The following PFKP variants were observed in gnomAD, a reference collection of about 807,000 sequenced individuals.
The protein encoded by PFKP is ATP-dependent 6-phosphofructokinase, platelet type.
In PFKP, 101 loss-of-function variants were observed where a neutral mutation model predicts 94.3. That is an observed-to-expected ratio of 1.07 (90% CI 0.91 to 1.26). The LOEUF (loss-of-function observed/expected upper bound fraction) is 1.26, where lower values mean the gene tolerates loss of function less well. PFKP is among the 50% of genes most tolerant of loss of function. PFKP has a pLI of 0.00. For missense variants in PFKP, 1,145 were observed against 1,103.3 expected (o/e 1.04, Z -0.53); for synonymous variants, 573 against 432.6 (o/e 1.32, Z -4.03).
intron 2 of PFKP, among the ~76,000 whole-genome samples, chr10:3,091,929 C>G (rs1033991445): frequency 5.3e-5 from 8 of 152,244 alleles, no homozygotes; most frequent in African/African-American, 1.2e-4. Flanking sequence ...TAATTCTGAT[C>G]ATTTTATCGC....
intron 4 of PFKP, among the ~76,000 whole-genome samples, chr10:3,102,333 C>T (rs929427827): frequency 3.2e-4 from 48 of 151,222 alleles, no homozygotes; most frequent in East Asian, 1.9e-4. Context: ...ATACATCATC[C>T]AGTACCAACT....
Position 3,101,506 on chromosome 10 carries a change from C to T in PFKP, c.406C>T (p.Leu136Phe). Residue 136 changes from leucine (L) to phenylalanine (F), a missense_variant, in exon 4 of 22, where the codon CTC becomes TTC. Transcript: ENST00000381125. The part of the protein sequence containing the change: ...GGDGSLTGAN[L>F]FRKEWSGLLE... ...GGACGGGAGCCTCACCGGGGCCAAC[C>T]TCTTCCGGAAGGAGTGGAGTGGGCT... The T allele has an allele frequency of 6.3e-7, 1 of 1,593,434 alleles. No homozygotes were observed.
intron 20 of PFKP, 122 bp from the exon 21 acceptor site, chr10:3,135,614 G>T: frequency 1.6e-6 from 1 of 632,836 alleles, no homozygotes; most frequent in Non-Finnish European, 2.8e-6. Flanking sequence ...GTCTCACTGG[G>T]CTTCCAGGCC....
In PFKP at chr10:3,108,805, A is replaced by G. The variant is rs1426091478; in HGVS notation, c.963+12A>G. 2 of 1,575,646 alleles carry G rather than the reference A, an allele frequency of 1.3e-6. No individual in the cohort carries two copies. Among genetic ancestry groups the G allele is most frequent in the Non-Finnish European group, 1.7e-6 (2 of 1,145,098 alleles). ...TCGACAGGATCTTGGTGAGTTGGGA[A>G]GGGTTGGGCATCTTCACAAGGTCTC... is the stretch of plus-strand genomic sequence containing the variant. On this transcript the variant is annotated intron_variant, in intron 9 of 21. Transcript: ENST00000381125.
At chr10:3,124,868 A>T (rs569768206) in intron 16 of PFKP, among the ~76,000 whole-genome samples, 2 of 151,846 alleles carry the variant, frequency 1.3e-5, no homozygotes, top group Admixed American at 1.3e-4. Context: ...GCCTGCAGGC[A>T]CCCCCTTTCA....
chr10:3,129,442 C>A (rs757205998), intron 16 of PFKP: 1 of 207,966 alleles, frequency 4.8e-6, no homozygotes, highest in Non-Finnish European at 9.8e-6. Context: ...TAACACCTAA[C>A]GGTGTCTGTG....
chr10:3,082,009 T>A (rs4880589), intron 1 of PFKP, among the ~76,000 whole-genome samples: 17 of 114,506 alleles, frequency 1.5e-4, no homozygotes, highest in East Asian at 9.7e-4. Flanking sequence ...TTTTTTTTTT[T>A]ACAGTGGTAG....
At chr10:3,110,203 T>C (rs1836037711) in intron 10 of PFKP, among the ~76,000 whole-genome samples, 1 of 151,734 alleles carries the variant, frequency 6.6e-6, no homozygotes, top group Non-Finnish European at 1.5e-5. Context: ...ATTTAATTAA[T>C]TAATTTATTT....
intron 16 of PFKP, among the ~76,000 whole-genome samples, chr10:3,126,638 C>T (rs1317323707): frequency 1.3e-5 from 2 of 152,208 alleles, no homozygotes; most frequent in African/African-American, 2.4e-5. Context: ...GGAAAACTGG[C>T]CTCCCTGCAG....
At chr10:3,109,756 G>A (rs573360799) in intron 10 of PFKP, among the ~76,000 whole-genome samples, 7 of 152,092 alleles carry the variant, frequency 4.6e-5, no homozygotes, top group East Asian at 3.9e-4. Flanking sequence ...CTAGAGCATC[G>A]GGATCCTCAA....
intron 5 of PFKP, 141 bp downstream of exon 5, chr10:3,104,085 C>T (rs2131555308): frequency 1.5e-6 from 1 of 667,358 alleles, no homozygotes; most frequent in East Asian, 2.8e-5. Context: ...GAGCTATTGC[C>T]AGAACATTGT....
intron 2 of PFKP, among the ~76,000 whole-genome samples, chr10:3,090,831 G>A (rs930048389): frequency 3.9e-5 from 6 of 152,036 alleles, no homozygotes; most frequent in African/African-American, 1.2e-4. Flanking sequence ...GGGATATTAT[G>A]TTTTATTTTT....
intron 2 of PFKP, among the ~76,000 whole-genome samples, chr10:3,085,994 G>GGA (rs1314993728): frequency 6.6e-6 from 1 of 152,060 alleles, no homozygotes; most frequent in Non-Finnish European, 1.5e-5. Flanking sequence ...GGTGGGCGGG[G>GGA]GAGAGGGTGG....
At chr10:3,119,826 C>T in intron 15 of PFKP, 66 bp from the exon 16 acceptor site, 1 of 1,523,894 alleles carries the variant, frequency 6.6e-7, no homozygotes, top group Non-Finnish European at 9.0e-7. Context: ...CTCCCAGCCT[C>T]TCCCAGCGAG....
intron 1 of PFKP, among the ~76,000 whole-genome samples, chr10:3,075,456 G>A (rs1307574281): frequency 1.3e-5 from 2 of 151,480 alleles, no homozygotes; most frequent in Admixed American, 6.6e-5. Flanking sequence ...GAGCCAGTGG[G>A]GCAGTTTGCA....
At chr10:3,117,698 A>C (rs1282631401) in intron 14 of PFKP, among the ~76,000 whole-genome samples, 1 of 152,126 alleles carries the variant, frequency 6.6e-6, no homozygotes, top group African/African-American at 2.4e-5. Context: ...AGCTCTAGGT[A>C]GAGGCAGATG....
chr10:3,088,449 C>A (rs1246802894), intron 2 of PFKP, among the ~76,000 whole-genome samples: 1 of 152,084 alleles, frequency 6.6e-6, no homozygotes, highest in Non-Finnish European at 1.5e-5. Context: ...AGAAAACACA[C>A]TAAAATCTGT....
chr10:3,099,225 AT>A lies in PFKP; in HGVS notation c.187-47del, dbSNP rs765881026. ...TTATATAATTTAAGGATCACTTCCC[AT>A]TTAGTGAAGTTTATCTCATTTTTAA... On this transcript the variant is annotated intron_variant, in intron 2 of 21. Coordinates refer to ENST00000381125, the MANE Select transcript of PFKP (RefSeq NM_002627.5). 4 of 1,352,278 alleles carry A rather than the reference AT, an allele frequency of 3.0e-6. No homozygotes were observed. In the Admixed American group the frequency reaches 5.0e-5, roughly 17 times the overall value. The allele number at this position is 1,352,278 out of a possible 1,614,324, so 83.8% of individuals were successfully genotyped here. A position where few individuals can be genotyped will look rare whatever the true frequency, so the allele number is the denominator to read the frequency against.
intron 1 of PFKP, among the ~76,000 whole-genome samples, chr10:3,077,328 C>T (rs1464815397): frequency 7.7e-6 from 1 of 129,120 alleles, no homozygotes; most frequent in African/African-American, 2.9e-5. Context: ...GTGGCGCAAT[C>T]TCGGCTCACT....
Sources: gnomAD v4.1 joint callset for allele counts (sites outside exome capture counted in the v4.1 genomes callset) on GRCh38, gnomAD v4.1.1 for gene constraint, MANE v1.5 for transcripts, NCBI Gene and HGNC (gene_info 2026-07-23, HGNC 2026-07-21) for gene names.